Variants in CCDC85C observed in about 807,000 individuals in gnomAD.
CCDC85C encodes coiled-coil domain containing 85C, also known as coiled-coil domain-containing protein 85C.
A neutral mutation model predicts 38.3 loss-of-function variants in CCDC85C; 18 were observed. The ratio of observed to expected loss-of-function variants is 0.47; its 90% confidence interval spans 0.33 to 0.70. The LOEUF is 0.70. Ranked by LOEUF, CCDC85C falls within the 30% of genes least tolerant of loss-of-function variation. The probability of loss-of-function intolerance (pLI) is 0.03; values close to 1 mark genes in which losing one functional copy is unlikely to be tolerated. For missense variants in CCDC85C, 566 were observed against 621.2 expected, an observed-to-expected ratio of 0.91 and a Z score of 0.94; for synonymous variants, 264 against 293.8, an observed-to-expected ratio of 0.90 and a Z score of 1.04.
Position 99,503,533 on chromosome 14 carries a change from G to A in CCDC85C, c.*11713C>T, listed in dbSNP as rs377111669. On this transcript the variant is annotated 3_prime_UTR_variant, in exon 6 of 6. Transcript: ENST00000380243. ...ACAGTGACTGCCGTCGCTGATTCTG[G>A]TGGTACCTGGATAATCCATTTTTTT... is the stretch of plus-strand genomic sequence containing the variant. 7.9e-6 allele frequency: 10 copies of A among 1,270,268 alleles called. No homozygotes were observed. Among genetic ancestry groups the A allele is most frequent in the Non-Finnish European group, 1.1e-5 (10 of 904,214 alleles). The allele number at this position is 1,270,268 out of a possible 1,614,324, so 78.7% of individuals were successfully genotyped here.
chr14:99,554,030 G>A (rs183789334), intron 1 of CCDC85C, among the ~76,000 whole-genome samples: 1 of 152,278 alleles, frequency 6.6e-6, no homozygotes, highest in African/African-American at 2.4e-5. Flanking sequence ...TGCTCTCAGA[G>A]CTGCTGCAGA....
Position 99,545,045 on chromosome 14 carries a change from AG to A in CCDC85C, c.794-8958del, listed in dbSNP as rs1322614789. ...CCCAGTGCCTCCAGGGAAAAAAAGT[AG>A]CTAGAGAAGAGGAAAACGAACGGCT... On this transcript the variant is annotated intron_variant, in intron 1 of 5. Transcript: ENST00000380243. The surrounding 1 kb of genome is among the most constrained non-coding windows in gnomAD (Gnocchi z 4.7). 6.6e-6 allele frequency among the ~76,000 whole-genome samples: 1 copy of A among 152,214 alleles called. No individual in the cohort carries two copies. The highest frequency in any genetic ancestry group is 1.5e-5 in the Non-Finnish European group (1 of 68,036).
At chr14:99,536,483 T>C (rs536399982) in intron 1 of CCDC85C, among the ~76,000 whole-genome samples, 1 of 152,124 alleles carries the variant, frequency 6.6e-6, no homozygotes, top group Admixed American at 6.5e-5. Context: ...CAAATGGAGC[T>C]CTCACAAACA....
At chr14:99,547,129 G>A (rs1595356244) in intron 1 of CCDC85C, among the ~76,000 whole-genome samples, 1 of 152,116 alleles carries the variant, frequency 6.6e-6, no homozygotes, top group Non-Finnish European at 1.5e-5. Context: ...CAAAGCCGTA[G>A]TGTGCTATCA....
intron 3 of CCDC85C, among the ~76,000 whole-genome samples, chr14:99,517,600 C>T (rs1897246886): frequency 6.6e-6 from 1 of 152,226 alleles, no homozygotes; most frequent in East Asian, 1.9e-4. Context: ...AAACTCCCTT[C>T]CCCTGCCCAC....
intron 2 of CCDC85C, among the ~76,000 whole-genome samples, chr14:99,531,864 A>T (rs1427375445): frequency 6.6e-6 from 1 of 152,218 alleles, no homozygotes; most frequent in Non-Finnish European, 1.5e-5. Context: ...TCTTTCTTCA[A>T]GATTCCCAAA....
At chr14:99,519,754 G>A in intron 3 of CCDC85C, among the ~76,000 whole-genome samples, 1 of 152,228 alleles carries the variant, frequency 6.6e-6, no homozygotes, top group African/African-American at 2.4e-5. Context: ...GGGTACCTGT[G>A]GCTGGACCCT....
intron 1 of CCDC85C, among the ~76,000 whole-genome samples, chr14:99,541,720 C>T (rs1025809924): frequency 2.0e-5 from 3 of 152,210 alleles, no homozygotes; most frequent in African/African-American, 7.2e-5. Context: ...GCAGGCGATA[C>T]AGCCGTGGGC....
At chr14:99,575,108 G>A (rs956033771) in intron 1 of CCDC85C, among the ~76,000 whole-genome samples, 2 of 152,220 alleles carry the variant, frequency 1.3e-5, no homozygotes, top group East Asian at 3.9e-4. Context: ...GGATGGTCAG[G>A]GTGCTCTTCC....
chr14:99,527,866 A>G (rs1386593318), intron 2 of CCDC85C, among the ~76,000 whole-genome samples: 2 of 152,192 alleles, frequency 1.3e-5, no homozygotes, highest in Admixed American at 1.3e-4. Flanking sequence ...AGTGGGGATT[A>G]GCACCAGCCC....
Position 99,506,982 on chromosome 14 carries a change from C to A in CCDC85C, c.*8264G>T. 1 of 836,982 alleles carries A rather than the reference C, an allele frequency of 1.2e-6. No homozygotes were observed. Among genetic ancestry groups the A allele is most frequent in the South Asian group, 1.3e-5 (1 of 75,208 alleles). The allele number at this position is 836,982 out of a possible 1,614,324, so 51.8% of individuals were successfully genotyped here. ...CCTTGGTCATCTCTGTTGTTTTTCT[C>A]CCAAAGAAATCTCTGCCAGTACATT... On this transcript the variant is annotated 3_prime_UTR_variant, in exon 6 of 6. Transcript: ENST00000380243.
At chr14:99,551,118 C>T (rs558677670) in intron 1 of CCDC85C, among the ~76,000 whole-genome samples, 1 of 152,340 alleles carries the variant, frequency 6.6e-6, no homozygotes, top group Admixed American at 6.5e-5. Context: ...CTGCTTGTGA[C>T]ATAATGACAA....
intron 1 of CCDC85C, among the ~76,000 whole-genome samples, chr14:99,570,444 T>G (rs994016553): frequency 3.9e-5 from 6 of 152,252 alleles, no homozygotes; most frequent in African/African-American, 1.4e-4. Flanking sequence ...TCCACACAGA[T>G]GAACGGACAC....
chr14:99,528,050 G>C (rs141290817), intron 2 of CCDC85C, among the ~76,000 whole-genome samples: 2 of 152,316 alleles, frequency 1.3e-5, no homozygotes, highest in East Asian at 3.9e-4. Flanking sequence ...ATCCCAAGAA[G>C]ACTCTAAAGG....
chr14:99,586,880 C>A (rs1224815571), intron 1 of CCDC85C, among the ~76,000 whole-genome samples: 1 of 152,220 alleles, frequency 6.6e-6, no homozygotes, highest in Non-Finnish European at 1.5e-5. Context: ...CCAAATCCCA[C>A]CAGGCGGCCT....
intron 1 of CCDC85C, 54 bp from the exon 2 acceptor site, chr14:99,536,142 A>G: frequency 4.1e-6 from 5 of 1,229,954 alleles, no homozygotes; most frequent in Non-Finnish European, 5.9e-6. Context: ...CTCCATCCCC[A>G]TTGCGCAACC....
chr14:99,573,595 G>A (rs531576223), intron 1 of CCDC85C, among the ~76,000 whole-genome samples: 35 of 152,324 alleles, frequency 2.3e-4, no homozygotes, highest in Non-Finnish European at 2.4e-4. Flanking sequence ...CGGCCTGGAC[G>A]TTCTGGCTCA....
chr14:99,565,321 G>T (rs1898194635), intron 1 of CCDC85C, among the ~76,000 whole-genome samples: 1 of 152,238 alleles, frequency 6.6e-6, no homozygotes, highest in South Asian at 2.1e-4. Context: ...CGCCATGGAG[G>T]TCTGACCCCC....
chr14:99,561,534 A>T (rs1898117229), intron 1 of CCDC85C, among the ~76,000 whole-genome samples: 1 of 152,114 alleles, frequency 6.6e-6, no homozygotes, highest in South Asian at 2.1e-4. Flanking sequence ...CAGGTCATAA[A>T]TCAGCATTAC....
Sources: gnomAD v4.1 joint callset for allele counts (sites outside exome capture counted in the v4.1 genomes callset) on GRCh38, gnomAD v4.1.1 for gene constraint, Gnocchi (gnomAD v3.1) non-coding constraint, MANE v1.5 for transcripts, NCBI Gene and HGNC (gene_info 2026-07-23, HGNC 2026-07-21) for gene names.